The following MAST4 variants were observed in gnomAD, a reference collection of about 807,000 sequenced individuals.
MAST4 encodes the protein microtubule associated serine/threonine kinase family member 4.
In MAST4, 89 loss-of-function variants were observed where a neutral mutation model predicts 162.7. That is an observed-to-expected ratio of 0.55 (90% CI 0.46 to 0.65). The LOEUF (loss-of-function observed/expected upper bound fraction) is 0.65. Among genes scored for constraint, MAST4 ranks in the 30% least tolerant of loss-of-function variants. The probability of loss-of-function intolerance (pLI) is 0.00; values close to 1 mark genes in which losing one functional copy is unlikely to be tolerated. For missense variants in MAST4, 3,153 were observed against 3,374.0 expected (o/e 0.93, Z 1.62); for synonymous variants, 1,479 against 1,361.1 (o/e 1.09, Z -1.91).
chr5:66,823,498 G>A (rs1757092626), intron 3 of MAST4, among the ~76,000 whole-genome samples: 1 of 152,184 alleles, frequency 6.6e-6, no homozygotes, highest in Non-Finnish European at 1.5e-5. Flanking sequence ...TTTGTTTTGA[G>A]ACTGAGTCTT....
chr5:67,167,108 T>C lies in MAST4; in HGVS notation c.*57T>C. On this transcript the variant is annotated 3_prime_UTR_variant, in exon 29 of 29. Transcript: ENST00000403625. ...CCCGTCCTGAACGGGCGACTGTGTC[T>C]TGACTACCTTTCAAAACCAGCACTG... 5 of 1,430,768 alleles carry C rather than the reference T, an allele frequency of 3.5e-6. No individual in the cohort carries two copies. The highest frequency in any genetic ancestry group is 4.7e-6 in the Non-Finnish European group (5 of 1,072,542). The allele number at this position is 1,430,768 out of a possible 1,614,324, so 88.6% of individuals were successfully genotyped here. A position where few individuals can be genotyped will look rare whatever the true frequency, so the allele number is the denominator to read the frequency against.
chr5:67,093,457 T>C (rs954122801), intron 6 of MAST4, among the ~76,000 whole-genome samples: 1 of 152,222 alleles, frequency 6.6e-6, no homozygotes, highest in Non-Finnish European at 1.5e-5. Flanking sequence ...TAGTAACTTC[T>C]GATGTGCAGT....
rs1462417328 is a variant in MAST4, at chr5:66,831,201, G to A, written c.642+42407G>A. On this transcript the variant is annotated intron_variant, in intron 3 of 28. Coordinates refer to ENST00000403625, the MANE Select transcript of MAST4 (RefSeq NM_001164664.2). ...ATATCATTGCTTATGAAATGAACTT[G>A]TTGTATTTATACACCATGTTTGTTG... is the stretch of plus-strand genomic sequence containing the variant. Among the ~76,000 whole-genome samples the A allele has an allele frequency of 1.3e-4, 20 of 152,176 alleles. No individual in the cohort carries two copies. The East Asian group carries it at 3.7e-3, about 28-fold the overall frequency.
At chr5:66,703,711 A>G (rs1015378350) in intron 1 of MAST4, among the ~76,000 whole-genome samples, 2 of 152,206 alleles carry the variant, frequency 1.3e-5, no homozygotes, top group Admixed American at 1.3e-4. Context: ...TGTTCTCTCC[A>G]GAAGAATGGT....
Position 66,846,633 on chromosome 5 carries a change from G to A in MAST4, c.643-53318G>A, listed in dbSNP as rs188104609. ...ATTCTATCAGAAGAGGTATGTTATG[G>A]TATAAAATTTCTGGAACATTCTCTT... On this transcript the variant is annotated intron_variant, in intron 3 of 28. Transcript: ENST00000403625. Among the ~76,000 whole-genome samples the A allele has an allele frequency of 2.3e-3, 352 of 152,198 alleles. 1 individual carries two copies. Among genetic ancestry groups the A allele is most frequent in the Middle Eastern group, 6.8e-3 (2 of 294 alleles).
intron 4 of MAST4, among the ~76,000 whole-genome samples, chr5:67,036,187 A>G (rs1205736845): frequency 1.3e-5 from 2 of 152,134 alleles, no homozygotes; most frequent in East Asian, 3.9e-4. Flanking sequence ...AATACCACAA[A>G]TTAGTATCTC....
At chr5:66,715,509 G>A (rs1419573169) in intron 1 of MAST4, among the ~76,000 whole-genome samples, 7 of 137,428 alleles carry the variant, frequency 5.1e-5, no homozygotes, top group South Asian at 2.5e-4. Flanking sequence ...GGAGTGGACC[G>A]GGGACTGTTG....
chr5:66,603,875 T>C (rs187464910), intron 1 of MAST4, among the ~76,000 whole-genome samples: 1 of 152,260 alleles, frequency 6.6e-6, no homozygotes, highest in Non-Finnish European at 1.5e-5. Flanking sequence ...TTCTCTTTTA[T>C]GTGTCCAGTA....
intron 1 of MAST4, among the ~76,000 whole-genome samples, chr5:66,710,655 A>ATTGG: frequency 6.6e-6 from 1 of 152,160 alleles, no homozygotes; most frequent in East Asian, 1.9e-4. Context: ...TGTGAGAAGC[A>ATTGG]TTGGTTGGTT....
chr5:67,123,606 A>T (rs17221226), intron 14 of MAST4, among the ~76,000 whole-genome samples: 3 of 152,112 alleles, frequency 2.0e-5, no homozygotes, highest in South Asian at 4.1e-4. Context: ...TCTCTCTATA[A>T]GGTATCCATT....
chr5:67,144,580 C>G (rs2151046403), intron 21 of MAST4, 89 bp from the exon 22 acceptor site: 1 of 1,324,346 alleles, frequency 7.6e-7, no homozygotes, highest in East Asian at 2.3e-5. Context: ...TTTAGTTATC[C>G]TCTCAGGTTT....
At position 66,616,946 on chromosome 5, in the gene MAST4, T is replaced by C. The variant is rs370070237; in HGVS notation, c.363+19928T>C. 6.6e-5 allele frequency among the ~76,000 whole-genome samples: 10 copies of C among 152,286 alleles called. 1 individual carries two copies. The highest frequency in any genetic ancestry group is 2.4e-4 in the African/African-American group (10 of 41,566). ...CAATTATCTGTGTAATAACATACTA[T>C]AAAAACATAGAAAGCCAGGAAAAAA... On this transcript the variant is annotated intron_variant, in intron 1 of 28. Transcript: ENST00000403625.
rs1235439063 is a variant in MAST4, at chr5:66,596,980, C to T, written c.325C>T (p.Arg109Trp). 39 of 1,450,052 alleles carry T rather than the reference C, an allele frequency of 2.7e-5. No homozygotes were observed. The Admixed American group carries it at 9.7e-4, about 36-fold the overall frequency. 89.8% of individuals were successfully genotyped at this position (1,450,052 alleles called of 1,614,324 possible). ...CGGAGGAGCTGTGCCGCCCGCGCCC[C>T]GGGGCAGCAGCGCGTCCCAGGAGGA... Reference protein sequence around the residue: ...LPGGAVPPAPRGSSASQEEQD... With the variant: ...LPGGAVPPAPWGSSASQEEQD... The change falls in exon 1 of 29, where the codon CGG becomes TGG. Residue 109 changes from arginine to tryptophan, a missense_variant. By Grantham distance (101) the Arg-to-Trp change is moderately radical (BLOSUM62 -3). This residue lies in a region of MAST4 where 327 missense variants were observed against 336.5 expected (regional missense o/e 0.97). Transcript: ENST00000403625.
At chr5:66,649,456 G>T (rs1408357746) in intron 1 of MAST4, among the ~76,000 whole-genome samples, 2 of 152,242 alleles carry the variant, frequency 1.3e-5, no homozygotes, top group East Asian at 1.9e-4. Context: ...CACCCTTTTG[G>T]TGTTCACAGC....
intron 1 of MAST4, among the ~76,000 whole-genome samples, chr5:66,641,035 G>A (rs1233589638): frequency 6.6e-6 from 1 of 151,994 alleles, no homozygotes; most frequent in Admixed American, 6.6e-5. Context: ...TAGGTCCTTC[G>A]CCCATTGTTA....
At chr5:66,753,526 G>T (rs6860031) in intron 1 of MAST4, among the ~76,000 whole-genome samples, 2,452 of 138,912 alleles carry the variant, frequency 0.018, 72 homozygotes, top group African/African-American at 0.049. Flanking sequence ...CAAACACCTC[G>T]ACGCAAATAA....
At chr5:66,633,327 G>A (rs978209262) in intron 1 of MAST4, among the ~76,000 whole-genome samples, 2 of 152,284 alleles carry the variant, frequency 1.3e-5, no homozygotes, top group South Asian at 4.1e-4. Flanking sequence ...CAGGTTGTAT[G>A]AGCTGTAAAA....
In MAST4 at chr5:66,627,008, G is replaced by C. The variant is rs373548648; in HGVS notation, c.363+29990G>C. 6.6e-5 allele frequency among the ~76,000 whole-genome samples: 10 copies of C among 152,262 alleles called. 1 individual carries two copies. The highest frequency in any genetic ancestry group is 2.4e-4 in the African/African-American group (10 of 41,556). On this transcript the variant is annotated intron_variant, in intron 1 of 28. Transcript: ENST00000403625. ...ATACTAAGTCAAATGGCCAAAGATA[G>C]GAGGTTTGTATTAGTTTGTTCTAAT...
chr5:67,049,078 T>TATACGTATATATATATATATATATAC (rs1381641749), intron 4 of MAST4, among the ~76,000 whole-genome samples: 2 of 138,786 alleles, frequency 1.4e-5, no homozygotes, highest in Admixed American at 7.4e-5. Flanking sequence ...TATATATATA[T>TATACGTATATATATATATATATATAC]ACACTACCAT....
Sources: gnomAD v4.1 joint callset for allele counts (sites outside exome capture counted in the v4.1 genomes callset) on GRCh38, gnomAD v4.1.1 for gene constraint, gnomAD v4.1.1 regional missense constraint, MANE v1.5 for transcripts, NCBI Gene and HGNC (gene_info 2026-07-23, HGNC 2026-07-21) for gene names.